The following PHF21B variants were observed in gnomAD, a reference collection of about 807,000 sequenced individuals.
PHF21B encodes PHD finger protein 4.
A neutral mutation model predicts 62.2 loss-of-function variants in PHF21B; 22 were observed. That is an observed-to-expected ratio of 0.35 (90% CI 0.25 to 0.51). The LOEUF (loss-of-function observed/expected upper bound fraction) is 0.51. PHF21B is among the 20% of genes least tolerant of loss of function. PHF21B has a pLI of 0.97. For missense variants in PHF21B, 701 were observed against 707.9 expected, an observed-to-expected ratio of 0.99 and a Z score of 0.11; for synonymous variants, 341 against 314.7, an observed-to-expected ratio of 1.08 and a Z score of -0.88.
At chr22:44,885,805 C>A in intron 11 of PHF21B, 58 bp downstream of exon 11, 8 of 1,549,626 alleles carry the variant, frequency 5.2e-6, no homozygotes, top group Non-Finnish European at 6.2e-6. Flanking sequence ...AGCCCAGAGG[C>A]CTGGGTGGGG....
chr22:44,952,350 G>A (rs941721356), intron 2 of PHF21B, among the ~76,000 whole-genome samples: 3 of 152,136 alleles, frequency 2.0e-5, no homozygotes, highest in Admixed American at 6.5e-5. Flanking sequence ...TCTCAAAAAA[G>A]AAAATAAAAT....
Position 44,889,744 on chromosome 22 carries a change from G to A in PHF21B, c.1038+16C>T. On this transcript the variant is annotated intron_variant, in intron 9 of 12. Coordinates refer to ENST00000313237, the MANE Select transcript of PHF21B (RefSeq NM_138415.5). Reference sequence around the variant, plus strand: ...TCCACCCCGGAAGTGTGAAGACGGAGGGAGGGGACACGTACCTTCCAGCAG... The same window carrying A: ...TCCACCCCGGAAGTGTGAAGACGGAAGGAGGGGACACGTACCTTCCAGCAG... 2 of 1,584,722 alleles carry A rather than the reference G, an allele frequency of 1.3e-6. No individual in the cohort carries two copies. Among genetic ancestry groups the A allele is most frequent in the Non-Finnish European group, 1.7e-6 (2 of 1,168,466 alleles).
At chr22:44,986,159 C>T (rs539036419) in intron 2 of PHF21B, among the ~76,000 whole-genome samples, 2 of 151,226 alleles carry the variant, frequency 1.3e-5, no homozygotes, top group East Asian at 3.9e-4. Context: ...CCATGAGCAC[C>T]ACCATCACCA....
At chr22:44,948,771 T>C (rs990134526) in intron 2 of PHF21B, among the ~76,000 whole-genome samples, 1 of 152,126 alleles carries the variant, frequency 6.6e-6, no homozygotes, top group African/African-American at 2.4e-5. Context: ...GGCTTTTCAG[T>C]GCTCACGTGG....
At chr22:44,885,769 C>T in intron 11 of PHF21B, 94 bp downstream of exon 11, 1 of 1,322,528 alleles carries the variant, frequency 7.6e-7, no homozygotes, top group Non-Finnish European at 1.1e-6. Context: ...GGAATGGACC[C>T]ACCTGTCCTC....
chr22:44,884,440 C>T (rs530608435), intron 12 of PHF21B, among the ~76,000 whole-genome samples: 11 of 124,580 alleles, frequency 8.8e-5, no homozygotes, highest in African/African-American at 3.3e-4. Context: ...ATTATCACCA[C>T]CACCACCATC....
At chr22:44,976,586 C>T (rs1272766783) in intron 2 of PHF21B, among the ~76,000 whole-genome samples, 1 of 152,214 alleles carries the variant, frequency 6.6e-6, no homozygotes, top group Non-Finnish European at 1.5e-5. Flanking sequence ...CTTGTTTCTG[C>T]AAGTTATACA....
intron 3 of PHF21B, among the ~76,000 whole-genome samples, chr22:44,919,191 G>A (rs926477131): frequency 2.8e-5 from 4 of 144,712 alleles, no homozygotes; most frequent in Non-Finnish European, 4.5e-5. Flanking sequence ...CTCCCGCCCC[G>A]CAGTGTCTCT....
chr22:44,928,638 G>A (rs552059207), intron 2 of PHF21B, among the ~76,000 whole-genome samples: 89 of 152,274 alleles, frequency 5.8e-4, no homozygotes, highest in African/African-American at 2.0e-3. Context: ...TCGAACTCCC[G>A]ACCTCAAACG....
chr22:44,988,090 G>A (rs12158172), intron 2 of PHF21B, among the ~76,000 whole-genome samples: 10,451 of 152,294 alleles, frequency 0.069, 420 homozygotes, highest in Middle Eastern at 0.14. Context: ...CAGAGCCTAG[G>A]GAGAACATCT....
Position 44,896,894 on chromosome 22 carries a change from T to TG in PHF21B, c.832-812_832-811insC, listed in dbSNP as rs2071070438. Among the ~76,000 whole-genome samples the TG allele has an allele frequency of 2.0e-5, 3 of 148,526 alleles. 1 individual carries two copies. Among genetic ancestry groups the TG allele is most frequent in the South Asian group, 2.2e-4 (1 of 4,648 alleles). Reference sequence around the variant, plus strand: ...TAGTTTTATCTGTTTTTTTTTTTTTTTTGAGACAGGTTCTCACTCTGTCAC... The same window carrying TG: ...TAGTTTTATCTGTTTTTTTTTTTTTTGTTGAGACAGGTTCTCACTCTGTCAC... On this transcript the variant is annotated intron_variant, in intron 5 of 12. Coordinates refer to ENST00000313237, the MANE Select transcript of PHF21B (RefSeq NM_138415.5).
chr22:44,916,715 A>G, intron 3 of PHF21B, 85 bp from the exon 4 acceptor site: 2 of 1,221,288 alleles, frequency 1.6e-6, no homozygotes, highest in Non-Finnish European at 1.2e-6. Flanking sequence ...GAGACTTCCT[A>G]TATTCAAGGG....
Position 44,882,957 on chromosome 22 carries a change from C to T in PHF21B, c.*129G>A, listed in dbSNP as rs2070764465. ...GCCTCTCGCCCAGCTCTTCCTCCCT[C>T]CTCTCCTCTGTCTGGTTAATTTTTG... is the stretch of plus-strand genomic sequence containing the variant. On this transcript the variant is annotated 3_prime_UTR_variant, in exon 13 of 13. Transcript: ENST00000313237. The T allele has an allele frequency of 8.6e-7, 1 of 1,159,656 alleles. No individual in the cohort carries two copies. Among genetic ancestry groups the T allele is most frequent in the African/African-American group, 1.5e-5 (1 of 64,996 alleles). 71.8% of individuals were successfully genotyped at this position (1,159,656 alleles called of 1,614,324 possible).
At chr22:44,983,040 T>C (rs182021376) in intron 2 of PHF21B, among the ~76,000 whole-genome samples, 1 of 152,132 alleles carries the variant, frequency 6.6e-6, no homozygotes, top group East Asian at 1.9e-4. Context: ...GGTTAGGAGT[T>C]TGAGACCAGC....
intron 2 of PHF21B, among the ~76,000 whole-genome samples, chr22:44,946,354 T>C (rs1014908160): frequency 2.6e-5 from 4 of 152,130 alleles, no homozygotes; most frequent in African/African-American, 9.7e-5. Flanking sequence ...CCTCCCGACA[T>C]GCCTACAATC....
chr22:44,967,331 C>T (rs1385716574), intron 2 of PHF21B, among the ~76,000 whole-genome samples: 1 of 150,836 alleles, frequency 6.6e-6, no homozygotes, highest in Non-Finnish European at 1.5e-5. Flanking sequence ...TGCCATTCTC[C>T]TGCCTCAGCC....
At chr22:44,898,820 C>T (rs532857085) in intron 5 of PHF21B, among the ~76,000 whole-genome samples, 3 of 152,244 alleles carry the variant, frequency 2.0e-5, no homozygotes, top group Admixed American at 6.5e-5. Context: ...CTGGTGTGCC[C>T]GGTGTGAAGT....
chr22:44,984,071 TCAC>T (rs1166871114), intron 2 of PHF21B, among the ~76,000 whole-genome samples: 3 of 136,822 alleles, frequency 2.2e-5, no homozygotes, highest in Non-Finnish European at 3.2e-5. Flanking sequence ...ATCATCACCA[TCAC>T]CACCACCATC....
At chr22:44,979,391 G>C (rs1455554083) in intron 2 of PHF21B, among the ~76,000 whole-genome samples, 1 of 152,256 alleles carries the variant, frequency 6.6e-6, no homozygotes. Flanking sequence ...GGTCGTGCAA[G>C]GGCACTCAGG....
Sources: gnomAD v4.1 joint callset for allele counts (sites outside exome capture counted in the v4.1 genomes callset) on GRCh38, gnomAD v4.1.1 for gene constraint, MANE v1.5 for transcripts, NCBI Gene and HGNC (gene_info 2026-07-23, HGNC 2026-07-21) for gene names.